Variants in NAA15 observed in about 807,000 individuals in gnomAD.
NAA15 encodes N-terminal acetyltransferase.
In NAA15, 34 loss-of-function variants were observed where a neutral mutation model predicts 114.0. The observed-to-expected ratio is 0.30, with a 90% CI of 0.23 to 0.40. The LOEUF (loss-of-function observed/expected upper bound fraction) is 0.40, where lower values mean the gene tolerates loss of function less well. NAA15 is among the 10% of genes least tolerant of loss of function. NAA15 has a pLI of 1.00. For synonymous variants in NAA15, 340 were observed against 338.0 expected, an observed-to-expected ratio of 1.01 and a Z score of -0.06; for missense variants, 658 against 1,004.5, an observed-to-expected ratio of 0.66 and a Z score of 4.66.
chr4:139,334,669 GTAT>G (rs1053174341), intron 2 of NAA15, among the ~76,000 whole-genome samples: 2 of 152,128 alleles, frequency 1.3e-5, no homozygotes, highest in Admixed American at 1.3e-4. Context: ...GACATGATTT[GTAT>G]ATTGTAATGT....
At chr4:139,305,152 C>G (rs1560948105) in intron 1 of NAA15, among the ~76,000 whole-genome samples, 2 of 152,186 alleles carry the variant, frequency 1.3e-5, no homozygotes, top group African/African-American at 4.8e-5. Context: ...GTTTAACCAT[C>G]CATATAATAG....
intron 10 of NAA15, among the ~76,000 whole-genome samples, chr4:139,354,748 TTTCTC>T (rs959096381): frequency 6.6e-6 from 1 of 152,228 alleles, no homozygotes; most frequent in Non-Finnish European, 1.5e-5. Flanking sequence ...TTCTCCTACT[TTTCTC>T]TACTCCCATA....
At chr4:139,351,074 A>G (rs1343829947) in intron 7 of NAA15, 117 bp from the exon 8 acceptor site, 1 of 500,892 alleles carries the variant, frequency 2.0e-6, no homozygotes, top group Non-Finnish European at 3.5e-6. Context: ...GATTACAAAT[A>G]ATTCCAATTT....
chr4:139,375,301 G>C (rs1748551363), intron 15 of NAA15, among the ~76,000 whole-genome samples: 1 of 152,098 alleles, frequency 6.6e-6, no homozygotes, highest in South Asian at 2.1e-4. Flanking sequence ...ATTAATTTCT[G>C]GTTCTGGTTT....
chr4:139,361,310 C>CA (rs1033764144), intron 13 of NAA15, among the ~76,000 whole-genome samples: 1 of 151,148 alleles, frequency 6.6e-6, no homozygotes, highest in Admixed American at 6.6e-5. Context: ...TTTGTATCCT[C>CA]AAAAAAAAAT....
At chr4:139,365,228 G>A (rs1748244654) in intron 14 of NAA15, among the ~76,000 whole-genome samples, 1 of 151,970 alleles carries the variant, frequency 6.6e-6, no homozygotes, top group African/African-American at 2.4e-5. Flanking sequence ...AGTAGAGACG[G>A]GGTTTCTCCA....
intron 4 of NAA15, among the ~76,000 whole-genome samples, chr4:139,341,748 G>A (rs112889040): frequency 6.6e-6 from 1 of 150,596 alleles, no homozygotes; most frequent in African/African-American, 2.4e-5. Flanking sequence ...AGACATTAGA[G>A]TCTCACTCTG....
intron 6 of NAA15, among the ~76,000 whole-genome samples, chr4:139,345,215 C>G (rs1428641158): frequency 6.6e-6 from 1 of 152,172 alleles, no homozygotes; most frequent in Non-Finnish European, 1.5e-5. Context: ...AACTGGAATT[C>G]TAAGACTTCT....
At chr4:139,362,088 A>T in intron 14 of NAA15, 151 bp downstream of exon 14, 1 of 474,452 alleles carries the variant, frequency 2.1e-6, no homozygotes, top group Non-Finnish European at 3.6e-6. Context: ...AAAAATGTTT[A>T]CTTTTATGCT....
chr4:139,316,313 A>G (rs903706426), intron 1 of NAA15, among the ~76,000 whole-genome samples: 2 of 151,824 alleles, frequency 1.3e-5, no homozygotes, highest in Non-Finnish European at 2.9e-5. Context: ...TATATGTATG[A>G]CTTTTCTTTG....
At chr4:139,352,928 A>G (rs1486930284) in intron 9 of NAA15, among the ~76,000 whole-genome samples, 1 of 152,052 alleles carries the variant, frequency 6.6e-6, no homozygotes, top group Non-Finnish European at 1.5e-5. Flanking sequence ...TTGGCCTCCC[A>G]AAGTGCTGGG....
intron 1 of NAA15, 48 bp downstream of exon 1, chr4:139,301,879 C>G (rs746469000): frequency 1.3e-6 from 2 of 1,548,334 alleles, no homozygotes; most frequent in Non-Finnish European, 1.8e-6. Context: ...TAGCCGGTAA[C>G]CGGGCCTGTC....
chr4:139,378,821 C>T lies in NAA15; in HGVS notation c.2122C>T (p.Leu708Phe). ...TGCTATTGATTCTAGTCATCCCTGG[C>T]TTCATGAGTGTATGATTCGTCTCTT... ...AFAIDSSHPWLHECMIRLFNT... is the reference protein window; with the variant it reads ...AFAIDSSHPWFHECMIRLFNT... The change falls in exon 17 of 20, where the codon CTT (leucine) becomes TTT (phenylalanine). Residue 708 changes from leucine to phenylalanine, a missense_variant. Coordinates refer to ENST00000296543, the MANE Select transcript of NAA15 (RefSeq NM_057175.5). 6.4e-7 allele frequency: 1 copy of T among 1,557,546 alleles called. No individual in the cohort carries two copies. The highest frequency in any genetic ancestry group is 8.6e-7 in the Non-Finnish European group (1 of 1,162,592).
chr4:139,303,082 T>C (rs1745866183), intron 1 of NAA15, among the ~76,000 whole-genome samples: 1 of 152,260 alleles, frequency 6.6e-6, no homozygotes, highest in Non-Finnish European at 1.5e-5. Context: ...CCATTTGAAC[T>C]AACTTTGATT....
intron 6 of NAA15, among the ~76,000 whole-genome samples, chr4:139,348,872 G>A (rs1747687440): frequency 6.6e-6 from 1 of 152,230 alleles, no homozygotes; most frequent in African/African-American, 2.4e-5. Context: ...GAAGGCAACA[G>A]TGAGTCGACA....
At chr4:139,320,668 A>C (rs747683292) in intron 1 of NAA15, among the ~76,000 whole-genome samples, 4 of 152,088 alleles carry the variant, frequency 2.6e-5, no homozygotes, top group South Asian at 2.1e-4. Flanking sequence ...CTACAGGCGC[A>C]TGCCACCACG....
intron 14 of NAA15, among the ~76,000 whole-genome samples, chr4:139,365,286 C>T (rs1268048755): frequency 2.0e-5 from 3 of 152,114 alleles, no homozygotes; most frequent in Admixed American, 1.3e-4. Flanking sequence ...GATCCACCCA[C>T]CTTGGCCTCC....
chr4:139,325,940 A>G (rs936441190), intron 1 of NAA15, among the ~76,000 whole-genome samples: 4 of 152,198 alleles, frequency 2.6e-5, no homozygotes, highest in Non-Finnish European at 5.9e-5. Context: ...CTGTTTTTAT[A>G]TGCTAGTTTG....
intron 14 of NAA15, among the ~76,000 whole-genome samples, chr4:139,365,509 C>T (rs988182456): frequency 1.3e-5 from 2 of 151,936 alleles, no homozygotes; most frequent in Non-Finnish European, 2.9e-5. Context: ...TACTCTAATT[C>T]GTGAGGTTGT....
Sources: allele counts gnomAD v4.1 joint callset (sites outside exome capture counted in the v4.1 genomes callset), GRCh38; gene constraint gnomAD v4.1.1; transcripts MANE v1.5; gene names NCBI Gene and HGNC (gene_info 2026-07-23, HGNC 2026-07-21).